Variants in REC114 observed in about 807,000 individuals in gnomAD.
REC114 encodes REC114 meiotic recombination protein.
In REC114, 27 loss-of-function variants were observed where a neutral mutation model predicts 31.3. The observed-to-expected ratio is 0.86, with a 90% CI of 0.64 to 1.19. REC114 has a LOEUF of 1.19. REC114 is among the 50% of genes most tolerant of loss of function. REC114 has a pLI of 0.00. For synonymous variants in REC114, 134 were observed against 127.7 expected, an observed-to-expected ratio of 1.05 and a Z score of -0.33; for missense variants, 344 against 326.9, an observed-to-expected ratio of 1.05 and a Z score of -0.40.
At chr15:73,447,805 T>A (rs371857783) in intron 1 of REC114, among the ~76,000 whole-genome samples, 2 of 152,120 alleles carry the variant, frequency 1.3e-5, no homozygotes, top group African/African-American at 4.8e-5. Flanking sequence ...GTTCATCTCA[T>A]TGGGACTGGT....
intron 2 of REC114, among the ~76,000 whole-genome samples, chr15:73,522,413 A>G (rs1475158600): frequency 6.6e-6 from 1 of 152,238 alleles, no homozygotes; most frequent in Non-Finnish European, 1.5e-5. Flanking sequence ...ACCACAATCA[A>G]TATGTAGAAT....
intron 2 of REC114, among the ~76,000 whole-genome samples, chr15:73,539,157 A>G (rs1048337739): frequency 2.0e-5 from 3 of 152,072 alleles, no homozygotes; most frequent in African/African-American, 7.2e-5. Flanking sequence ...TGTAATAATC[A>G]ACATTTCTTT....
At chr15:73,538,504 C>G (rs1894192112) in intron 2 of REC114, among the ~76,000 whole-genome samples, 1 of 146,266 alleles carries the variant, frequency 6.8e-6, no homozygotes, top group Admixed American at 7.1e-5. Context: ...TCGCCCAGGC[C>G]AGACTGCAGT....
chr15:73,491,207 CTTAAT>C (rs1291487841), intron 2 of REC114, among the ~76,000 whole-genome samples: 2 of 120,166 alleles, frequency 1.7e-5, no homozygotes, highest in African/African-American at 3.0e-5. Context: ...TGTGTATTAT[CTTAAT>C]TTTGTGTATT....
At chr15:73,480,194 T>C (rs1030800429) in intron 2 of REC114, among the ~76,000 whole-genome samples, 5 of 152,164 alleles carry the variant, frequency 3.3e-5, no homozygotes, top group African/African-American at 1.2e-4. Flanking sequence ...ATTAGTAATG[T>C]TGAACACTTT....
At chr15:73,449,998 G>A (rs544933978) in intron 1 of REC114, among the ~76,000 whole-genome samples, 128 of 152,192 alleles carry the variant, frequency 8.4e-4, no homozygotes, top group Non-Finnish European at 1.6e-3. Flanking sequence ...CCTGAAGGAA[G>A]CACTAAACAT....
chr15:73,508,964 A>T (rs1177278755), intron 2 of REC114, among the ~76,000 whole-genome samples: 1 of 150,334 alleles, frequency 6.7e-6, no homozygotes, highest in African/African-American at 2.4e-5. Flanking sequence ...ATACCCAGTA[A>T]TGGGATGGCT....
chr15:73,559,665 T>C, intron 5 of REC114, 87 bp from the exon 6 acceptor site: 1 of 1,271,950 alleles, frequency 7.9e-7, no homozygotes, highest in South Asian at 1.9e-5. Context: ...TCGCTAATCT[T>C]TCCTTAAAGC....
At chr15:73,459,233 C>CT (rs71442387) in intron 1 of REC114, among the ~76,000 whole-genome samples, 8,396 of 142,646 alleles carry the variant, frequency 0.059, 313 homozygotes, top group African/African-American at 0.12. Flanking sequence ...TTTCTTTTTT[C>CT]TTTTTTTTTT....
intron 2 of REC114, among the ~76,000 whole-genome samples, chr15:73,499,933 T>C (rs1474460768): frequency 6.6e-6 from 1 of 152,216 alleles, no homozygotes; most frequent in African/African-American, 2.4e-5. Context: ...TAATTATGGA[T>C]ATTGTCCAAA....
intron 2 of REC114, among the ~76,000 whole-genome samples, chr15:73,513,610 C>T (rs981869210): frequency 1.3e-4 from 19 of 151,970 alleles, no homozygotes; most frequent in Admixed American, 1.2e-3. Flanking sequence ...TGGTGATGTA[C>T]AGATGGGTTT....
At chr15:73,531,133 A>AC (rs1566946305) in intron 2 of REC114, among the ~76,000 whole-genome samples, 1 of 152,138 alleles carries the variant, frequency 6.6e-6, no homozygotes, top group African/African-American at 2.4e-5. Context: ...TGCCAGTGAC[A>AC]CCCCATGATA....
intron 2 of REC114, among the ~76,000 whole-genome samples, chr15:73,505,989 G>A (rs909587847): frequency 2.6e-5 from 4 of 152,032 alleles, no homozygotes; most frequent in African/African-American, 9.7e-5. Flanking sequence ...CTGCACGTGT[G>A]GTCTGCAGAG....
At chr15:73,461,922 CTTTTTTTTTTTTTTTTTTTT>C (rs961387922) in intron 1 of REC114, among the ~76,000 whole-genome samples, 1 of 78,212 alleles carries the variant, frequency 1.3e-5, no homozygotes, top group Admixed American at 1.4e-4. Context: ...TTTTTCTTTT[CTTTTTTTTTTTTTTTTTTTT>C]TTTTTTAAAG....
At chr15:73,466,042 C>T (rs923566217) in intron 1 of REC114, among the ~76,000 whole-genome samples, 9 of 151,532 alleles carry the variant, frequency 5.9e-5, no homozygotes, top group South Asian at 2.1e-4. Context: ...TTAGTAGAGA[C>T]GGGGTTTCAC....
At chr15:73,535,432 C>T (rs1380407136) in intron 2 of REC114, among the ~76,000 whole-genome samples, 1 of 151,876 alleles carries the variant, frequency 6.6e-6, no homozygotes, top group Admixed American at 6.6e-5. Flanking sequence ...ACAATTGCTT[C>T]AAAGAGAATA....
At chr15:73,458,878 A>G (rs541768205) in intron 1 of REC114, among the ~76,000 whole-genome samples, 2 of 152,332 alleles carry the variant, frequency 1.3e-5, no homozygotes, top group Non-Finnish European at 2.9e-5. Flanking sequence ...TAGCTAAAAA[A>G]ACTAAGGGTT....
intron 2 of REC114, among the ~76,000 whole-genome samples, chr15:73,500,321 C>A (rs1319159844): frequency 6.8e-6 from 1 of 147,286 alleles, no homozygotes; most frequent in African/African-American, 2.5e-5. Context: ...TCCCCACTTG[C>A]TGTCACCCTT....
intron 2 of REC114, among the ~76,000 whole-genome samples, chr15:73,530,012 C>T (rs1894055480): frequency 6.6e-6 from 1 of 152,168 alleles, no homozygotes; most frequent in South Asian, 2.1e-4. Flanking sequence ...TTACTTTACT[C>T]CTTCCAAATA....
Sources: gnomAD v4.1 joint callset for allele counts (sites outside exome capture counted in the v4.1 genomes callset) on GRCh38, gnomAD v4.1.1 for gene constraint, MANE v1.5 for transcripts, NCBI Gene and HGNC (gene_info 2026-07-23, HGNC 2026-07-21) for gene names.